ADAMTS3: variants seen among roughly 807,000 people sequenced by gnomAD.
ADAMTS3 encodes the protein ADAM metallopeptidase with thrombospondin type 1 motif 3.
Under a neutral mutation model 129.0 loss-of-function variants are expected in ADAMTS3, and 73 were observed. That is an observed-to-expected ratio of 0.57 (90% CI 0.47 to 0.69). The LOEUF (loss-of-function observed/expected upper bound fraction) is 0.69. Among genes scored for constraint, ADAMTS3 ranks in the 30% least tolerant of loss-of-function variants. ADAMTS3 has a pLI of 0.00. For missense variants in ADAMTS3, 1,457 were observed against 1,514.5 expected (o/e 0.96, Z 0.63); for synonymous variants, 477 against 510.8 (o/e 0.93, Z 0.89).
intron 3 of ADAMTS3, among the ~76,000 whole-genome samples, chr4:72,499,801 G>A (rs555808208): frequency 1.9e-4 from 29 of 151,920 alleles, no homozygotes; most frequent in African/African-American, 6.0e-4. Flanking sequence ...GTGGTCCCTC[G>A]GTGTCCATCA....
chr4:72,517,305 G>A (rs1246426938), intron 3 of ADAMTS3, among the ~76,000 whole-genome samples: 2 of 151,310 alleles, frequency 1.3e-5, no homozygotes, highest in Admixed American at 1.3e-4. Context: ...CTCTTTTTTG[G>A]TTGTGTCTCT....
chr4:72,554,909 TA>T (rs1721725699), intron 2 of ADAMTS3, among the ~76,000 whole-genome samples: 2 of 151,984 alleles, frequency 1.3e-5, no homozygotes, highest in African/African-American at 4.9e-5. Context: ...CTCTTATCTG[TA>T]AATTACGGGT....
At chr4:72,319,574 G>A (rs1299368704) in intron 8 of ADAMTS3, 99 bp from the exon 9 acceptor site, 11 of 1,398,712 alleles carry the variant, frequency 7.9e-6, no homozygotes, top group Non-Finnish European at 1.1e-5. Flanking sequence ...GTATTTTTGA[G>A]TCAACGTGGC....
chr4:72,288,923 TACAC>T (rs33967517), intron 20 of ADAMTS3, 55 bp from the exon 21 acceptor site: 95,893 of 447,580 alleles, frequency 0.21, 987 homozygotes, highest in East Asian at 0.27. Flanking sequence ...ACCATGCACA[TACAC>T]ACACACACAC....
At chr4:72,473,366 A>G (rs777519451) in intron 3 of ADAMTS3, among the ~76,000 whole-genome samples, 5 of 152,108 alleles carry the variant, frequency 3.3e-5, no homozygotes, top group African/African-American at 4.8e-5. Flanking sequence ...AGTGGAAAAA[A>G]AAGTTAGCAA....
intron 4 of ADAMTS3, among the ~76,000 whole-genome samples, chr4:72,393,716 A>G (rs1560498912): frequency 1.3e-5 from 2 of 152,226 alleles, no homozygotes; most frequent in Non-Finnish European, 2.9e-5. Flanking sequence ...GAGATCACTT[A>G]TATCATTTTA....
intron 4 of ADAMTS3, among the ~76,000 whole-genome samples, chr4:72,378,437 T>A (rs1050589560): frequency 6.6e-6 from 1 of 152,202 alleles, no homozygotes; most frequent in East Asian, 1.9e-4. Flanking sequence ...CAATGACTAT[T>A]TTCATAGTTA....
intron 2 of ADAMTS3, among the ~76,000 whole-genome samples, chr4:72,557,665 A>G (rs1284108328): frequency 6.6e-6 from 1 of 151,826 alleles, no homozygotes; most frequent in East Asian, 1.9e-4. Flanking sequence ...ATTTGTTGCA[A>G]TTGCACAATA....
At position 72,319,947 on chromosome 4, in the gene ADAMTS3, G is replaced by A. The variant is rs778064580; in HGVS notation, c.1119C>T (p.Thr373=). 13 of 1,612,030 alleles carry A rather than the reference G, an allele frequency of 8.1e-6. No homozygotes were observed. The highest frequency in any genetic ancestry group is 5.3e-5 in the African/African-American group (4 of 74,838). Residue 373 remains threonine (T), a synonymous_variant, in exon 8 of 22, where the codon ACC becomes ACT. Transcript: ENST00000286657. ...PAGMQGYAPV[T]GMCHPVRSCT... is the part of the protein sequence containing the mutation. ...AACTTCTCACTGGATGACACATGCC[G>A]GTGACTGGAGCATATCCTGTAGAGA...
chr4:72,400,353 G>A lies in ADAMTS3; in HGVS notation c.661+14462C>T, dbSNP rs564750149. Among the ~76,000 whole-genome samples, 315 of 144,928 alleles carry A rather than the reference G, an allele frequency of 2.2e-3. 69 individuals carry two copies. Among genetic ancestry groups the A allele is most frequent in the Non-Finnish European group, 3.7e-3 (239 of 65,224 alleles). On this transcript the variant is annotated intron_variant, in intron 4 of 21. Coordinates refer to ENST00000286657, the MANE Select transcript of ADAMTS3 (RefSeq NM_014243.3). ...ATATACACACGGTGTGTATATATAC[G>A]TGTGCATAGATATGCACACGGTGTG...
In ADAMTS3 at chr4:72,284,180, A is replaced by G. The variant is rs370308666; in HGVS notation, c.3050-476T>C. The stretch of plus-strand genomic sequence containing the variant: ...AAAACAAAACAAATCTTACAAAGGT[A>G]TTCTCCAAAGAATAATCAAAATACC... On this transcript the variant is annotated intron_variant, in intron 21 of 21. Coordinates refer to ENST00000286657, the MANE Select transcript of ADAMTS3 (RefSeq NM_014243.3). Among the ~76,000 whole-genome samples, 77 of 152,350 alleles carry G rather than the reference A, an allele frequency of 5.1e-4. 2 individuals are homozygous for G. In the South Asian group the frequency reaches 0.016, roughly 32 times the overall value.
At chr4:72,373,911 T>G (rs1466822342) in intron 4 of ADAMTS3, among the ~76,000 whole-genome samples, 1 of 7,736 alleles carries the variant, frequency 1.3e-4, no homozygotes, top group African/African-American at 1.4e-4. Context: ...ATAATAATAA[T>G]AATAATAATA....
At chr4:72,357,530 C>A (rs1053502461) in intron 4 of ADAMTS3, among the ~76,000 whole-genome samples, 1 of 151,792 alleles carries the variant, frequency 6.6e-6, no homozygotes, top group African/African-American at 2.4e-5. Flanking sequence ...TGAGTAAATA[C>A]TCTCTAATTC....
chr4:72,457,374 A>G (rs1370820134), intron 3 of ADAMTS3, among the ~76,000 whole-genome samples: 1 of 151,718 alleles, frequency 6.6e-6, no homozygotes, highest in Non-Finnish European at 1.5e-5. Context: ...AGAGGTTTGG[A>G]ATATTCAGTG....
intron 21 of ADAMTS3, among the ~76,000 whole-genome samples, chr4:72,284,747 T>C (rs946630284): frequency 9.2e-5 from 14 of 152,324 alleles, no homozygotes; most frequent in African/African-American, 3.4e-4. Context: ...AAACACTTCA[T>C]ACTGCATGTG....
chr4:72,455,927 A>T (rs1718554261), intron 3 of ADAMTS3, among the ~76,000 whole-genome samples: 1 of 114,730 alleles, frequency 8.7e-6, no homozygotes, highest in African/African-American at 3.3e-5. Context: ...TACTATATAT[A>T]TTTTATATAT....
At chr4:72,494,050 T>G (rs1397867466) in intron 3 of ADAMTS3, among the ~76,000 whole-genome samples, 2 of 152,176 alleles carry the variant, frequency 1.3e-5, no homozygotes, top group East Asian at 1.9e-4. Context: ...TGCCTCAGTA[T>G]AGTCTTCTTC....
chr4:72,432,579 A>C (rs1722725483), intron 3 of ADAMTS3, among the ~76,000 whole-genome samples: 2 of 151,926 alleles, frequency 1.3e-5, no homozygotes. Context: ...CCCTGTCAGA[A>C]CCTTGACAGC....
rs1311150552 is a variant in ADAMTS3 at position 72,281,885 on chromosome 4, C to T, written c.*1251G>A. 1 of 152,146 alleles carries T rather than the reference C, an allele frequency of 6.6e-6. No homozygotes were observed. Among genetic ancestry groups the T allele is most frequent in the East Asian group, 1.9e-4 (1 of 5,198 alleles). The allele number at this position is 152,146 out of a possible 1,614,324, so 9.4% of individuals were successfully genotyped here. A position where few individuals can be genotyped will look rare whatever the true frequency, so the allele number is the denominator to read the frequency against. On this transcript the variant is annotated 3_prime_UTR_variant, in exon 22 of 22. Transcript: ENST00000286657. Reference sequence around the variant, plus strand: ...TGTACAAGTACTTTACATCTACTCCCTGGAGAGAGCATTTCTGGCTTTGCT... The same window carrying T: ...TGTACAAGTACTTTACATCTACTCCTTGGAGAGAGCATTTCTGGCTTTGCT...
Sources: gnomAD v4.1 joint callset for allele counts (sites outside exome capture counted in the v4.1 genomes callset) on GRCh38, gnomAD v4.1.1 for gene constraint, MANE v1.5 for transcripts, NCBI Gene and HGNC (gene_info 2026-07-23, HGNC 2026-07-21) for gene names.